The following SLC17A1 variants were observed in gnomAD, a reference collection of about 807,000 sequenced individuals.
SLC17A1 encodes the protein sodium-dependent phosphate transport protein 1.
Under a neutral mutation model 53.5 loss-of-function variants are expected in SLC17A1, and 51 were observed. That is an observed-to-expected ratio of 0.95 (90% CI 0.76 to 1.20). The LOEUF is 1.20. Ranked by LOEUF, SLC17A1 falls within the 50% of genes most tolerant of loss-of-function variation. The probability of loss-of-function intolerance (pLI) is 0.00; values close to 1 mark genes in which losing one functional copy is unlikely to be tolerated. For missense variants in SLC17A1, 538 were observed against 568.2 expected (o/e 0.95, Z 0.54); for synonymous variants, 179 against 198.8 (o/e 0.90, Z 0.84).
the SLC17A1 span, among the ~76,000 whole-genome samples, chr6:25,757,196 G>C: frequency 1.3e-5 from 2 of 152,124 alleles, no homozygotes; most frequent in Non-Finnish European, 2.9e-5. Flanking sequence ...TTACTTACCA[G>C]CTTTAGTGGT....
At chr6:25,765,884 G>A in the SLC17A1 span, among the ~76,000 whole-genome samples, 1 of 151,940 alleles carries the variant, frequency 6.6e-6, no homozygotes, top group South Asian at 2.1e-4. Context: ...ACATACAAGA[G>A]CTGGTTCTTT....
chr6:25,765,024 C>T, the SLC17A1 span, among the ~76,000 whole-genome samples: 3 of 152,214 alleles, frequency 2.0e-5, no homozygotes, highest in African/African-American at 4.8e-5. Flanking sequence ...TACACCACCA[C>T]ATTATAGCTG....
downstream of SLC17A1, chr6:25,782,906 G>A (rs1188855105): frequency 6.6e-6 from 1 of 152,178 alleles, no homozygotes; most frequent in African/African-American, 2.4e-5. Flanking sequence ...CTTTCATGAA[G>A]CCTTAGAATA....
the SLC17A1 span, chr6:25,726,414 TC>T: frequency 6.2e-7 from 1 of 1,614,104 alleles, no homozygotes; most frequent in Non-Finnish European, 8.5e-7. Context: ...CTGCATAGTT[TC>T]CCTTACGAAG....
chr6:25,768,971 C>A, the SLC17A1 span: 1 of 1,613,002 alleles, frequency 6.2e-7, no homozygotes, highest in South Asian at 1.1e-5. Context: ...TTTTTCATGC[C>A]CTTTTCCTCT....
chr6:25,785,600 AT>A (rs1763364556), intron 12 of SLC17A1, among the ~76,000 whole-genome samples: 1 of 152,198 alleles, frequency 6.6e-6, no homozygotes, highest in African/African-American at 2.4e-5. Flanking sequence ...TCAGTCTAGT[AT>A]TTAGAATATC....
intron 1 of SLC17A1, among the ~76,000 whole-genome samples, chr6:25,831,260 T>A (rs1764937411): frequency 6.6e-6 from 1 of 152,092 alleles, no homozygotes; most frequent in Non-Finnish European, 1.5e-5. Context: ...CCCCTTACCA[T>A]CAGAATTCAG....
intron 12 of SLC17A1, among the ~76,000 whole-genome samples, chr6:25,788,039 T>C (rs1215891123): frequency 6.6e-6 from 1 of 152,160 alleles, no homozygotes; most frequent in East Asian, 1.9e-4. Flanking sequence ...ATGAATCTGG[T>C]GGTTCTGTAA....
At chr6:25,727,461 G>A in the SLC17A1 span, among the ~76,000 whole-genome samples, 3 of 148,566 alleles carry the variant, frequency 2.0e-5, no homozygotes, top group Admixed American at 6.8e-5. Flanking sequence ...GCGGAATCTC[G>A]GCTCACTGCA....
At chr6:25,791,371 T>C (rs969373223) in intron 12 of SLC17A1, among the ~76,000 whole-genome samples, 7 of 152,194 alleles carry the variant, frequency 4.6e-5, no homozygotes, top group African/African-American at 1.7e-4. Context: ...TTTACAAATA[T>C]TAAAATTTAG....
downstream of SLC17A1, chr6:25,780,503 A>G (rs1466432123): frequency 6.6e-6 from 1 of 152,196 alleles, no homozygotes; most frequent in Non-Finnish European, 1.5e-5. Flanking sequence ...AGAACAGCAT[A>G]AGCAAAAGTT....
chr6:25,741,997 A>G, the SLC17A1 span, among the ~76,000 whole-genome samples: 4 of 152,162 alleles, frequency 2.6e-5, no homozygotes, highest in African/African-American at 9.6e-5. Flanking sequence ...CCAGAGGGCC[A>G]CAGCTGGGTG....
the SLC17A1 span, chr6:25,732,462 A>G: frequency 0.29 from 84,406 of 294,076 alleles, 14,572 homozygotes; most frequent in East Asian, 0.71. Context: ...GACTAGGGAA[A>G]CTCGGGGGAA....
chr6:25,762,030 C>T, the SLC17A1 span: 2 of 1,613,254 alleles, frequency 1.2e-6, no homozygotes, highest in South Asian at 1.1e-5. Flanking sequence ...TTAAACGTGG[C>T]TCAAGAGGAA....
intron 6 of SLC17A1, 49 bp downstream of exon 6, chr6:25,819,019 T>C: frequency 7.7e-7 from 1 of 1,297,560 alleles, no homozygotes; most frequent in South Asian, 1.5e-5. Flanking sequence ...AATGTTTAAA[T>C]TTTTTTAGAT....
At chr6:25,787,285 A>G (rs2151473704) in intron 12 of SLC17A1, among the ~76,000 whole-genome samples, 1 of 152,070 alleles carries the variant, frequency 6.6e-6, no homozygotes, top group South Asian at 2.1e-4. Context: ...CCCAGGAGTC[A>G]AGACCAGCCT....
chr6:25,731,808 A>G, the SLC17A1 span: 1 of 1,600,052 alleles, frequency 6.2e-7, no homozygotes, highest in Non-Finnish European at 8.5e-7. Flanking sequence ...GTACTTGGTG[A>G]CAGCCTTGGT....
chr6:25,830,869 A>G (rs527976774), intron 1 of SLC17A1, among the ~76,000 whole-genome samples: 2 of 152,326 alleles, frequency 1.3e-5, no homozygotes, highest in Admixed American at 1.3e-4. Flanking sequence ...TAAATCCGTG[A>G]TAATATTCCT....
the SLC17A1 span, chr6:25,726,739 C>G: frequency 9.3e-7 from 1 of 1,078,864 alleles, no homozygotes; most frequent in Admixed American, 2.4e-5. Flanking sequence ...GTTTGAGGGC[C>G]GTGCCTATAA....
Sources: allele counts gnomAD v4.1 joint callset (sites outside exome capture counted in the v4.1 genomes callset), GRCh38; gene constraint gnomAD v4.1.1; transcripts MANE v1.5; gene names NCBI Gene and HGNC (gene_info 2026-07-23, HGNC 2026-07-21).